The following FBXO31 variants were observed in gnomAD, a reference collection of about 807,000 sequenced individuals.
The protein encoded by FBXO31 is F-box protein 31.
FBXO31 carries 24 observed loss-of-function variants against 54.4 expected under a neutral mutation model. The observed-to-expected ratio is 0.44, with a 90% CI of 0.32 to 0.62. The LOEUF (loss-of-function observed/expected upper bound fraction) is 0.62. Among genes scored for constraint, FBXO31 ranks in the 20% least tolerant of loss-of-function variants. FBXO31 has a pLI of 0.05. For missense variants in FBXO31, 665 were observed against 787.1 expected (o/e 0.84, Z 1.86); for synonymous variants, 388 against 335.6 (o/e 1.16, Z -1.71).
At chr16:87,368,674 T>C (rs1224391314) in intron 1 of FBXO31, among the ~76,000 whole-genome samples, 1 of 151,874 alleles carries the variant, frequency 6.6e-6, no homozygotes, top group Admixed American at 6.6e-5. Flanking sequence ...TGGGTAATTA[T>C]CCATCTTAAT....
At chr16:87,361,374 A>G (rs532727086) in intron 1 of FBXO31, among the ~76,000 whole-genome samples, 1 of 152,348 alleles carries the variant, frequency 6.6e-6, no homozygotes, top group East Asian at 1.9e-4. Flanking sequence ...CTTCGCAGTG[A>G]GAATGTGGCA....
At chr16:87,387,764 G>C (rs527868318), upstream of FBXO31, among the ~76,000 whole-genome samples, 1 of 152,288 alleles carries the variant, frequency 6.6e-6, no homozygotes, top group Non-Finnish European at 1.5e-5. Flanking sequence ...CCGAGATGGC[G>C]CCACATGCAC....
At chr16:87,381,478 T>C (rs961101079) in intron 1 of FBXO31, among the ~76,000 whole-genome samples, 6 of 152,102 alleles carry the variant, frequency 3.9e-5, no homozygotes, top group African/African-American at 1.4e-4. Context: ...CTTGGGAAGG[T>C]GAAGCAGCTT....
At chr16:87,343,459 G>T in intron 4 of FBXO31, 139 bp downstream of exon 4, 1 of 1,031,552 alleles carries the variant, frequency 9.7e-7, no homozygotes, top group South Asian at 1.6e-5. Context: ...ATGCACAGCA[G>T]GGCAGGGCGG....
chr16:87,372,319 C>T (rs898246850), intron 1 of FBXO31, among the ~76,000 whole-genome samples: 5 of 152,140 alleles, frequency 3.3e-5, no homozygotes, highest in Admixed American at 3.3e-4. Flanking sequence ...TGATATTCAA[C>T]TTGCAAAAAT....
rs370194167 is a variant in FBXO31, at chr16:87,331,566, G to A, written c.1398-56C>T. The A allele has an allele frequency of 2.1e-5, 29 of 1,397,346 alleles. No individual in the cohort carries two copies. In the East Asian group the frequency reaches 2.4e-4, roughly 12 times the overall value. 86.6% of individuals were successfully genotyped at this position (1,397,346 alleles called of 1,614,324 possible). A position where few individuals can be genotyped will look rare whatever the true frequency, so the allele number is the denominator to read the frequency against. ...TGGGGGAGGGCTGAGTCAAATGCAC[G>A]CCACGTACAGCATTCTGCGACCCCG... On this transcript the variant is annotated intron_variant, in intron 8 of 8. Transcript: ENST00000311635.
intron 8 of FBXO31, 131 bp downstream of exon 8, chr16:87,333,755 G>A (rs1904944684): frequency 7.2e-7 from 1 of 1,384,820 alleles, no homozygotes; most frequent in Admixed American, 2.4e-5. Flanking sequence ...CCGCACTCCT[G>A]TCCCAAAGCA....
At chr16:87,359,432 C>G (rs1051418713) in intron 2 of FBXO31, among the ~76,000 whole-genome samples, 1 of 152,194 alleles carries the variant, frequency 6.6e-6, no homozygotes, top group Admixed American at 6.5e-5. Flanking sequence ...ACAGGAAACC[C>G]TAACACCTGG....
rs377061600 is a variant in FBXO31 at position 87,338,555 on chromosome 16, G to C, written c.733-2291C>G. 3.3e-5 allele frequency among the ~76,000 whole-genome samples: 5 copies of C among 152,300 alleles called. No homozygotes were observed. In the East Asian group the frequency reaches 5.8e-4, roughly 18 times the overall value. On this transcript the variant is annotated intron_variant, in intron 5 of 8. Coordinates refer to ENST00000311635, the MANE Select transcript of FBXO31 (RefSeq NM_024735.5). This position sits in a 1 kb window ranked among gnomAD's most constrained non-coding sequence, Gnocchi z 4.3. ...ACCCATACAGAAAAGGCCAGGTCTG[G>C]GTGGGCCCGAGCGTCCCATTTCTCA...
intron 1 of FBXO31, among the ~76,000 whole-genome samples, chr16:87,368,589 T>A (rs1472700311): frequency 6.6e-6 from 1 of 151,818 alleles, no homozygotes. Context: ...TAATGCACAG[T>A]GTGCTTGCTA....
chr16:87,362,534 G>A (rs886846228), intron 1 of FBXO31: 1 of 151,746 alleles, frequency 6.6e-6, no homozygotes, highest in Non-Finnish European at 1.5e-5. Flanking sequence ...AGTGGCTACA[G>A]GTAAAACATA....
intron 3 of FBXO31, 136 bp downstream of exon 3, chr16:87,347,038 C>A (rs1466197590): frequency 2.5e-6 from 2 of 784,710 alleles, no homozygotes; most frequent in African/African-American, 1.7e-5. Flanking sequence ...AGTGACAGAG[C>A]AAGAATTTTT....
chr16:87,355,378 C>T (rs775369152), intron 2 of FBXO31, among the ~76,000 whole-genome samples: 13 of 152,210 alleles, frequency 8.5e-5, no homozygotes, highest in Non-Finnish European at 1.6e-4. Context: ...TTTTGAGACG[C>T]TCTCCATGAA....
chr16:87,377,812 G>C (rs897144595), intron 1 of FBXO31, among the ~76,000 whole-genome samples: 4 of 149,468 alleles, frequency 2.7e-5, no homozygotes, highest in Admixed American at 6.7e-5. Context: ...CTGGGTGACA[G>C]AAAGAGACCC....
In FBXO31 at chr16:87,331,420, G is replaced by A. The variant is rs759011216; in HGVS notation, c.1488C>T (p.Phe496=). Residue 496 remains phenylalanine (F), a synonymous_variant, in exon 9 of 9, where the codon TTC becomes TTT. Coordinates refer to ENST00000311635, the MANE Select transcript of FBXO31 (RefSeq NM_024735.5). ...ATTTCAGCTCCAGCCAGACGAACCC[G>A]AAGCGGTCCTCATCGAAGAGGATGA... ...GVFILFDEDR[F]GFVWLELKSF... 5.6e-6 allele frequency: 9 copies of A among 1,613,738 alleles called. No homozygotes were observed. In the East Asian group the frequency reaches 1.1e-4, roughly 20 times the overall value.
chr16:87,358,919 C>T lies in FBXO31; in HGVS notation c.412+1376G>A, dbSNP rs1272184263. Among the ~76,000 whole-genome samples the T allele has an allele frequency of 5.3e-5, 8 of 152,136 alleles. No homozygotes were observed. The highest frequency in any genetic ancestry group is 3.2e-3 in the Middle Eastern group (1 of 316). The stretch of plus-strand genomic sequence containing the variant: ...CTCACTTTGCCCAGCACCCACCTGG[C>T]GTTTCCCAGCCTGCTAACTCAGGCC... On this transcript the variant is annotated intron_variant, in intron 2 of 8. Coordinates refer to ENST00000311635, the MANE Select transcript of FBXO31 (RefSeq NM_024735.5). The surrounding 1 kb of genome is among the most constrained non-coding windows in gnomAD (Gnocchi z 4.0).
chr16:87,384,670 C>T (rs1026451553), upstream of FBXO31, among the ~76,000 whole-genome samples: 1 of 152,210 alleles, frequency 6.6e-6, no homozygotes, highest in Non-Finnish European at 1.5e-5. Flanking sequence ...GAGGCCCAGG[C>T]GGGAGTATCA....
At chr16:87,352,633 G>C (rs868582432) in intron 2 of FBXO31, among the ~76,000 whole-genome samples, 60 of 152,294 alleles carry the variant, frequency 3.9e-4, no homozygotes, top group African/African-American at 1.4e-3. Flanking sequence ...GTTCCCAGAA[G>C]ACATGGATGC....
intron 4 of FBXO31, among the ~76,000 whole-genome samples, chr16:87,343,367 A>G (rs958513141): frequency 1.4e-4 from 22 of 152,278 alleles, no homozygotes; most frequent in African/African-American, 5.1e-4. Context: ...GCAAAGAAAC[A>G]GCGGCTCTAA....
Sources: gnomAD v4.1 joint callset for allele counts (sites outside exome capture counted in the v4.1 genomes callset) on GRCh38, gnomAD v4.1.1 for gene constraint, Gnocchi (gnomAD v3.1) non-coding constraint, MANE v1.5 for transcripts, NCBI Gene and HGNC (gene_info 2026-07-23, HGNC 2026-07-21) for gene names.